ARFGAP3: variants seen among roughly 807,000 people sequenced by gnomAD.
The protein encoded by ARFGAP3 is ADP-ribosylation factor GTPase-activating protein 3.
ARFGAP3 carries 72 observed loss-of-function variants against 75.0 expected under a neutral mutation model. The ratio of observed to expected loss-of-function variants is 0.96; its 90% CI spans 0.79 to 1.17. The LOEUF (loss-of-function observed/expected upper bound fraction) is 1.17, where lower values mean the gene tolerates loss of function less well. ARFGAP3 is among the 50% of genes most tolerant of loss of function. The probability of loss-of-function intolerance (pLI) is 0.00; values close to 1 mark genes in which losing one functional copy is unlikely to be tolerated. For missense variants in ARFGAP3, 620 were observed against 626.6 expected (o/e 0.99, Z 0.11); for synonymous variants, 221 against 217.9 (o/e 1.01, Z -0.13).
At position 42,796,950 on chromosome 22, in the gene ARFGAP3, T is replaced by C. The variant is rs1924628707; in HGVS notation, c.*638A>G. ...TCAAACAGCAACACCTTTCACAAGA[T>C]AACATTAATTCCCTTGGCAGGGCAG... is the stretch of plus-strand genomic sequence containing the variant. On this transcript the variant is annotated 3_prime_UTR_variant, in exon 16 of 16. Transcript: ENST00000263245. 6.6e-6 allele frequency: 1 copy of C among 152,312 alleles called. No individual in the cohort carries two copies. The highest frequency in any genetic ancestry group is 1.5e-5 in the Non-Finnish European group (1 of 68,112). 9.4% of individuals were successfully genotyped at this position (152,312 alleles called of 1,614,324 possible). A position where few individuals can be genotyped will look rare whatever the true frequency, so the allele number is the denominator to read the frequency against.
At chr22:42,853,639 G>T in intron 1 of ARFGAP3, 1 of 177,288 alleles carries the variant, frequency 5.6e-6, no homozygotes, top group South Asian at 1.1e-4. Context: ...AGAGGGCCCA[G>T]AGCTCCCTGT....
At chr22:42,822,162 A>T in intron 9 of ARFGAP3, 108 bp downstream of exon 9, 931 of 556,608 alleles carry the variant, frequency 1.7e-3, no homozygotes, top group Non-Finnish European at 2.4e-3. Context: ...ATTTTGCAGT[A>T]CCCTCCCTTC....
Position 42,822,265 on chromosome 22 carries a change from C to T in ARFGAP3, c.812+5G>A. 6.3e-7 allele frequency: 1 copy of T among 1,585,186 alleles called. No homozygotes were observed. The highest frequency in any genetic ancestry group is 1.1e-5 in the South Asian group (1 of 89,352). ...AATGTATTAATATAATGAAATTAAACTTACATTGATTCTTCTTTAGATACC... is the reference window on the plus strand; with the variant it reads ...AATGTATTAATATAATGAAATTAAATTTACATTGATTCTTCTTTAGATACC... On this transcript the variant is annotated splice_donor_5th_base_variant and intron_variant, in intron 9 of 15. Transcript: ENST00000263245.
rs1360000533 is a variant in ARFGAP3, at chr22:42,797,250, C to T, written c.*338G>A. On this transcript the variant is annotated 3_prime_UTR_variant, in exon 16 of 16. Transcript: ENST00000263245. ...GTGTCACATGGAGACCTCTCCTCCT[C>T]CCCCACATGAAGCCTCCTGGTTCAG... is the stretch of plus-strand genomic sequence containing the variant. 1 of 309,350 alleles carries T rather than the reference C, an allele frequency of 3.2e-6. No individual in the cohort carries two copies. The highest frequency in any genetic ancestry group is 2.2e-5 in the African/African-American group (1 of 45,412). The allele number at this position is 309,350 out of a possible 1,614,324, so 19.2% of individuals were successfully genotyped here. A position where few individuals can be genotyped will look rare whatever the true frequency, so the allele number is the denominator to read the frequency against.
intron 1 of ARFGAP3, among the ~76,000 whole-genome samples, chr22:42,853,991 A>C (rs747594982): frequency 6.6e-6 from 1 of 152,262 alleles, no homozygotes; most frequent in Non-Finnish European, 1.5e-5. Flanking sequence ...TAAGTATGAC[A>C]GATAAGAAGT....
chr22:42,855,723 C>T (rs1329105542), intron 1 of ARFGAP3, among the ~76,000 whole-genome samples: 1 of 149,194 alleles, frequency 6.7e-6, no homozygotes, highest in African/African-American at 2.5e-5. Context: ...AAAAAAAGAA[C>T]ATTAAGGCCA....
intron 9 of ARFGAP3, among the ~76,000 whole-genome samples, chr22:42,820,937 C>T (rs1271250643): frequency 1.3e-5 from 2 of 152,226 alleles, no homozygotes; most frequent in Non-Finnish European, 2.9e-5. Context: ...TCTCCCGAGA[C>T]GCCCCTTCAT....
intron 6 of ARFGAP3, among the ~76,000 whole-genome samples, chr22:42,830,433 C>T (rs531487695): frequency 8.5e-5 from 13 of 152,304 alleles, no homozygotes; most frequent in African/African-American, 2.2e-4. Context: ...TCACCCAACC[C>T]GCGGTTGGTG....
chr22:42,811,839 G>C (rs1925379097), intron 11 of ARFGAP3, among the ~76,000 whole-genome samples: 1 of 152,168 alleles, frequency 6.6e-6, no homozygotes, highest in Admixed American at 6.5e-5. Context: ...TGGAACAGGA[G>C]AGACTGACAG....
chr22:42,831,494 A>G, intron 6 of ARFGAP3, 55 bp downstream of exon 6: 2 of 1,558,698 alleles, frequency 1.3e-6, no homozygotes, highest in Admixed American at 3.5e-5. Context: ...TAATAGTTTC[A>G]TAGCATGCCA....
At chr22:42,822,796 A>G (rs1925869784) in intron 8 of ARFGAP3, among the ~76,000 whole-genome samples, 2 of 151,944 alleles carry the variant, frequency 1.3e-5, no homozygotes, top group African/African-American at 4.8e-5. Flanking sequence ...TTACTGTTGT[A>G]TTCTTACTTT....
In ARFGAP3 at chr22:42,826,549, TTTGTTGTTGTTG is replaced by T. The variant is rs552674646; in HGVS notation, c.625+379_625+390del. ...TGTGTGCCACCACACTCAGGTAATT[TTTGTTGTTGTTG>T]TTGTTGTTGTTGTTGTTTTGTAGAG... On this transcript the variant is annotated intron_variant, in intron 7 of 15. Transcript: ENST00000263245. Among the ~76,000 whole-genome samples, 30 of 151,432 alleles carry T rather than the reference TTTGTTGTTGTTG, an allele frequency of 2.0e-4. No homozygotes were observed. In the East Asian group the frequency reaches 2.9e-3, roughly 15 times the overall value.
At chr22:42,837,675 CTTTTTTTTTTTTTT>C (rs71186547) in intron 3 of ARFGAP3, among the ~76,000 whole-genome samples, 1 of 75,662 alleles carries the variant, frequency 1.3e-5, no homozygotes, top group Non-Finnish European at 2.1e-5. Flanking sequence ...AGGCATACTT[CTTTTTTTTTTTTTT>C]TTTTTTTTGA....
intron 5 of ARFGAP3, among the ~76,000 whole-genome samples, chr22:42,833,011 GAAAGA>G (rs1926364995): frequency 6.6e-6 from 1 of 151,044 alleles, no homozygotes; most frequent in African/African-American, 2.4e-5. Context: ...AAGAAAGGAA[GAAAGA>G]AAAGAAAGGG....
At chr22:42,846,289 C>A (rs1225345724) in intron 2 of ARFGAP3, among the ~76,000 whole-genome samples, 1 of 152,226 alleles carries the variant, frequency 6.6e-6, no homozygotes, top group African/African-American at 2.4e-5. Context: ...TGAGGGTGCT[C>A]TGCACAAGTT....
chr22:42,855,081 T>C (rs192054515), intron 1 of ARFGAP3, among the ~76,000 whole-genome samples: 1 of 152,328 alleles, frequency 6.6e-6, no homozygotes, highest in East Asian at 1.9e-4. Context: ...AATAACCCTC[T>C]GAGTCAGGTC....
intron 6 of ARFGAP3, among the ~76,000 whole-genome samples, chr22:42,827,956 T>C (rs1926114708): frequency 6.6e-6 from 1 of 152,286 alleles, no homozygotes; most frequent in East Asian, 1.9e-4. Flanking sequence ...TACTTTGTTA[T>C]TTTAATTTTA....
intron 6 of ARFGAP3, among the ~76,000 whole-genome samples, chr22:42,830,586 T>C (rs1475684592): frequency 6.6e-6 from 1 of 152,224 alleles, no homozygotes; most frequent in Non-Finnish European, 1.5e-5. Context: ...TAATTTACAC[T>C]AACATTCTGG....
chr22:42,835,983 T>C lies in ARFGAP3; in HGVS notation c.262-490A>G, dbSNP rs1056788653. ...TTCACGAGCAATCCATTTCTTTCTT[T>C]TTTTTTTTTTTTTTTTTTTGAGAGA... On this transcript the variant is annotated intron_variant, in intron 3 of 15. Transcript: ENST00000263245. Among the ~76,000 whole-genome samples, 5 of 23,518 alleles carry C rather than the reference T, an allele frequency of 2.1e-4. No homozygotes were observed. The African/African-American group carries it at 2.5e-3, about 12-fold the overall frequency. 15.4% of individuals were successfully genotyped at this position (23,518 alleles called of 152,430 possible).
Sources: allele counts gnomAD v4.1 joint callset (sites outside exome capture counted in the v4.1 genomes callset), GRCh38; gene constraint gnomAD v4.1.1; transcripts MANE v1.5; gene names NCBI Gene and HGNC (gene_info 2026-07-23, HGNC 2026-07-21).